The following DOCK3 variants were observed in gnomAD, a reference collection of about 807,000 sequenced individuals.
The protein encoded by DOCK3 is dedicator of cytokinesis 3.
Under a neutral mutation model 265.6 loss-of-function variants are expected in DOCK3, and 60 were observed. That is an observed-to-expected ratio of 0.23 (90% confidence interval 0.18 to 0.28). DOCK3 has a LOEUF of 0.28. Ranked by LOEUF, DOCK3 falls within the 10% of genes least tolerant of loss-of-function variation. DOCK3 has a pLI of 1.00. For synonymous variants in DOCK3, 881 were observed against 938.0 expected (o/e 0.94, Z 1.11); for missense variants, 1,981 against 2,594.3 (o/e 0.76, Z 5.14).
At chr3:50,824,108 A>G (rs1461784093) in intron 2 of DOCK3, among the ~76,000 whole-genome samples, 5 of 152,208 alleles carry the variant, frequency 3.3e-5, no homozygotes, top group Admixed American at 2.0e-4. Context: ...CTAGACCAGT[A>G]TATTTTGAGA....
rs569807166 is a variant in DOCK3, at chr3:51,008,496, C to T, written c.316-55952C>T. On this transcript the variant is annotated intron_variant, in intron 5 of 52. Transcript: ENST00000266037. ...TCGATTTTGTATCCTGATACTTTGCCAAAGTTGCTTATCAGCTTAAGGAGA... is the reference window on the plus strand; with the variant it reads ...TCGATTTTGTATCCTGATACTTTGCTAAAGTTGCTTATCAGCTTAAGGAGA... Among the ~76,000 whole-genome samples, 51 of 152,174 alleles carry T rather than the reference C, an allele frequency of 3.4e-4. 1 individual carries two copies. In the South Asian group the frequency reaches 6.0e-3, roughly 18 times the overall value.
At position 51,250,342 on chromosome 3, in the gene DOCK3, G is replaced by C. The variant is rs558075459; in HGVS notation, c.2184+3535G>C. On this transcript the variant is annotated intron_variant, in intron 22 of 52. Transcript: ENST00000266037. ...AACAAAACAAAACAAAACTTGGCTGGCCGTGGCAGCTCACGCCTATAATCC... is the reference window on the plus strand; with the variant it reads ...AACAAAACAAAACAAAACTTGGCTGCCCGTGGCAGCTCACGCCTATAATCC... Among the ~76,000 whole-genome samples, 4 of 152,070 alleles carry C rather than the reference G, an allele frequency of 2.6e-5. No homozygotes were observed. The East Asian group carries it at 7.7e-4, about 29-fold the overall frequency.
chr3:51,162,750 T>A (rs772353890), intron 12 of DOCK3, among the ~76,000 whole-genome samples: 4 of 152,230 alleles, frequency 2.6e-5, no homozygotes, highest in African/African-American at 4.8e-5. Flanking sequence ...GCCTAATTGC[T>A]TCTAAAGCAA....
At chr3:51,310,951 C>G (rs937907376) in intron 28 of DOCK3, among the ~76,000 whole-genome samples, 1 of 152,194 alleles carries the variant, frequency 6.6e-6, no homozygotes, top group African/African-American at 2.4e-5. Context: ...ATATAAAATA[C>G]AGTGAAAGTG....
At chr3:50,953,878 A>G (rs1380280533) in intron 5 of DOCK3, among the ~76,000 whole-genome samples, 1 of 152,178 alleles carries the variant, frequency 6.6e-6, no homozygotes, top group Non-Finnish European at 1.5e-5. Flanking sequence ...ACACAACAAA[A>G]CAACTGTATA....
chr3:51,015,995 A>T (rs796829286), intron 5 of DOCK3, among the ~76,000 whole-genome samples: 67 of 1,458 alleles, frequency 0.046, 6 homozygotes, highest in Middle Eastern at 0.25. Flanking sequence ...TTTCTACATA[A>T]TATATATATC....
intron 27 of DOCK3, among the ~76,000 whole-genome samples, chr3:51,301,666 T>C (rs1024044266): frequency 1.3e-5 from 2 of 152,202 alleles, no homozygotes; most frequent in African/African-American, 4.8e-5. Flanking sequence ...AACTTCTTGA[T>C]TTCTGCCTTA....
chr3:50,713,248 C>G (rs2036883588), intron 1 of DOCK3, among the ~76,000 whole-genome samples: 1 of 152,124 alleles, frequency 6.6e-6, no homozygotes, highest in African/African-American at 2.4e-5. Flanking sequence ...TTTAGTAGGA[C>G]TTTATTTTTC....
At chr3:51,179,737 TC>T (rs1402837779) in intron 12 of DOCK3, among the ~76,000 whole-genome samples, 2 of 151,542 alleles carry the variant, frequency 1.3e-5, no homozygotes, top group East Asian at 1.9e-4. Flanking sequence ...ATAGTGAGGA[TC>T]CCCATCTCTA....
At chr3:51,039,487 C>T (rs1024018291) in intron 5 of DOCK3, among the ~76,000 whole-genome samples, 1 of 152,138 alleles carries the variant, frequency 6.6e-6, no homozygotes, top group Non-Finnish European at 1.5e-5. Context: ...CTCCAAATTA[C>T]TGGCTAAGCT....
At chr3:50,921,545 C>A (rs751595397) in intron 4 of DOCK3, among the ~76,000 whole-genome samples, 1 of 152,240 alleles carries the variant, frequency 6.6e-6, no homozygotes, top group Admixed American at 6.5e-5. Context: ...CTCAAACCTT[C>A]TTCTCTCAAC....
At chr3:51,343,304 C>A (rs1054341663) in intron 38 of DOCK3, among the ~76,000 whole-genome samples, 1 of 152,202 alleles carries the variant, frequency 6.6e-6, no homozygotes, top group South Asian at 2.1e-4. Flanking sequence ...CAGACACTAC[C>A]CCCAAGAGCT....
At chr3:51,071,160 G>A (rs977444754) in intron 6 of DOCK3, among the ~76,000 whole-genome samples, 2 of 152,170 alleles carry the variant, frequency 1.3e-5, no homozygotes, top group African/African-American at 4.8e-5. Flanking sequence ...AAAAGAAATA[G>A]AGATTCAGGG....
At chr3:50,820,250 A>C (rs4464450) in intron 2 of DOCK3, among the ~76,000 whole-genome samples, 1 of 152,192 alleles carries the variant, frequency 6.6e-6, no homozygotes, top group African/African-American at 2.4e-5. Context: ...TCCTTCCTGC[A>C]TGAAGCCAAG....
chr3:51,074,683 G>C (rs1259796740), intron 6 of DOCK3, among the ~76,000 whole-genome samples: 1 of 151,990 alleles, frequency 6.6e-6, no homozygotes, highest in Non-Finnish European at 1.5e-5. Flanking sequence ...CTGGGGGTGT[G>C]GTGAGGGGAG....
chr3:51,040,389 A>G (rs891312903), intron 5 of DOCK3, among the ~76,000 whole-genome samples: 2 of 152,182 alleles, frequency 1.3e-5, no homozygotes, highest in African/African-American at 4.8e-5. Context: ...GAATATAAAA[A>G]TTATGCTGAA....
At chr3:51,363,561 T>C (rs2086895841) in intron 49 of DOCK3, among the ~76,000 whole-genome samples, 1 of 152,262 alleles carries the variant, frequency 6.6e-6, no homozygotes, top group South Asian at 2.1e-4. Context: ...TATGTATACA[T>C]GTGCCATGTT....
chr3:51,072,155 G>A (rs1483116074), intron 6 of DOCK3, among the ~76,000 whole-genome samples: 1 of 152,166 alleles, frequency 6.6e-6, no homozygotes, highest in Non-Finnish European at 1.5e-5. Flanking sequence ...TATTCTTTAT[G>A]TCTAACACCA....
chr3:51,169,375 G>T (rs143614262), intron 12 of DOCK3, among the ~76,000 whole-genome samples: 1 of 152,266 alleles, frequency 6.6e-6, no homozygotes. Context: ...AGAAAATGTG[G>T]CACATATACA....
Sources: allele counts gnomAD v4.1 joint callset (sites outside exome capture counted in the v4.1 genomes callset), GRCh38; gene constraint gnomAD v4.1.1; transcripts MANE v1.5; gene names NCBI Gene and HGNC (gene_info 2026-07-23, HGNC 2026-07-21).